Variants in PSMA6 observed in about 807,000 individuals in gnomAD.
PSMA6 encodes proteasome subunit alpha type-6.
For missense variants in PSMA6, 170 were observed against 294.8 expected (o/e 0.58, Z 3.10); for synonymous variants, 88 against 97.7 (o/e 0.90, Z 0.59).
At chr14:35,289,316 A>G (rs2051452096), upstream of PSMA6, among the ~76,000 whole-genome samples, 1 of 150,764 alleles carries the variant, frequency 6.6e-6, no homozygotes, top group Admixed American at 6.6e-5. Context: ...GGGACAATAA[A>G]CAGTGAACAA....
chr14:35,286,007 A>G (rs2051418290), intron 1 of PSMA6, among the ~76,000 whole-genome samples: 1 of 152,224 alleles, frequency 6.6e-6, no homozygotes, highest in Admixed American at 6.5e-5. Flanking sequence ...ATAGCCAACA[A>G]TTCAGGCCTT....
At chr14:35,313,554 G>C (rs576578339) in intron 5 of PSMA6, 6 of 152,698 alleles carry the variant, frequency 3.9e-5, no homozygotes, top group African/African-American at 1.4e-4. Context: ...GTTTGGTTTG[G>C]AAGTATGCTT....
At chr14:35,292,101 G>C (rs896386423), upstream of PSMA6, among the ~76,000 whole-genome samples, 1 of 152,204 alleles carries the variant, frequency 6.6e-6, no homozygotes, top group Non-Finnish European at 1.5e-5. Flanking sequence ...GTTCTATTTA[G>C]GTCACACTGA....
Position 35,284,155 on chromosome 14 carries a change from TACCCTAATCCAAAACA to T in PSMA6, c.19+5438_19+5453del, listed in dbSNP as rs1331514784. 4.6e-5 allele frequency among the ~76,000 whole-genome samples: 7 copies of T among 152,338 alleles called. No homozygotes were observed. In the East Asian group the frequency reaches 1.3e-3, roughly 29 times the overall value. The stretch of plus-strand genomic sequence containing the variant: ...ATCCAAGGCCAGCTCCTTTCATTTG[TACCCTAATCCAAAACA>T]TTTTTTGAGTCATACTTAGGTTAGG... On this transcript the variant is annotated intron_variant, in intron 1 of 6. Transcript: ENST00000540871.
In PSMA6 at chr14:35,295,857, C is replaced by T. The variant is rs191564390; in HGVS notation, c.76+3305C>T. ...CTTTGTAATCTATTTTCAGGAATTG[C>T]CCAAGTTACTAGAGGGAGGAGGTGC... On this transcript the variant is annotated intron_variant, in intron 1 of 6. Transcript: ENST00000261479. Among the ~76,000 whole-genome samples the T allele has an allele frequency of 1.1e-4, 17 of 152,296 alleles. No individual in the cohort carries two copies. The East Asian group carries it at 3.1e-3, about 28-fold the overall frequency.
intron 4 of PSMA6, 111 bp from the exon 5 acceptor site, chr14:35,312,769 TA>T: frequency 2.0e-6 from 2 of 990,730 alleles, no homozygotes; most frequent in South Asian, 1.9e-5. Flanking sequence ...ATACATATCC[TA>T]AAATTGATGG....
chr14:35,300,929 A>G (rs753514460), intron 1 of PSMA6, among the ~76,000 whole-genome samples: 1 of 152,198 alleles, frequency 6.6e-6, no homozygotes, highest in Non-Finnish European at 1.5e-5. Flanking sequence ...GGAAGAGTTT[A>G]TTTTTAGACA....
rs2051503139 is a variant in PSMA6, at chr14:35,292,465, G to T, written c.-12G>T. 5.6e-6 allele frequency: 9 copies of T among 1,612,790 alleles called. No individual in the cohort carries two copies. The highest frequency in any genetic ancestry group is 6.8e-6 in the Non-Finnish European group (8 of 1,179,444). ...GCCCAGGGATTGTGTTTAAAGTAGT[G>T]CTTCTACCAACATGTCCCGTGGTTC... On this transcript the variant is annotated 5_prime_UTR_variant, in exon 1 of 7. Transcript: ENST00000261479.
chr14:35,306,103 C>T (rs2051821869), intron 1 of PSMA6, among the ~76,000 whole-genome samples: 2 of 151,714 alleles, frequency 1.3e-5, no homozygotes, highest in Admixed American at 1.3e-4. Flanking sequence ...GTGGTATACA[C>T]CTGTGGTCCC....
chr14:35,313,981 AAAC>A (rs1273443002), intron 5 of PSMA6: 1 of 153,962 alleles, frequency 6.5e-6, no homozygotes, highest in African/African-American at 2.4e-5. Context: ...CAAAACAAAC[AAAC>A]AACACTTAAA....
intron 1 of PSMA6, among the ~76,000 whole-genome samples, chr14:35,282,209 A>T (rs1010518582): frequency 8.5e-5 from 13 of 152,162 alleles, no homozygotes; most frequent in African/African-American, 3.1e-4. Context: ...TAACTATTCA[A>T]AATAAGGGAA....
chr14:35,290,149 A>G (rs1296081025), upstream of PSMA6, among the ~76,000 whole-genome samples: 2 of 152,154 alleles, frequency 1.3e-5, no homozygotes, highest in South Asian at 2.1e-4. Context: ...CCCATTGGCA[A>G]TTAGAGAAGA....
At chr14:35,282,977 G>T (rs2051382537) in intron 1 of PSMA6, among the ~76,000 whole-genome samples, 1 of 151,900 alleles carries the variant, frequency 6.6e-6, no homozygotes, top group Admixed American at 6.6e-5. Context: ...TGAGTAGCTG[G>T]GACTACAGGC....
upstream of PSMA6, chr14:35,292,311 C>T: frequency 1.4e-6 from 2 of 1,447,504 alleles, no homozygotes; most frequent in Non-Finnish European, 1.8e-6. Context: ...GGCCTCAGAG[C>T]TCAGTGCTCG....
intron 4 of PSMA6, among the ~76,000 whole-genome samples, chr14:35,312,384 G>A (rs1367252936): frequency 6.6e-6 from 1 of 151,736 alleles, no homozygotes; most frequent in Non-Finnish European, 1.5e-5. Flanking sequence ...GTGGGCACCT[G>A]TAGTCCCAGC....
chr14:35,309,689 A>G (rs1172435466), intron 3 of PSMA6, among the ~76,000 whole-genome samples: 1 of 152,200 alleles, frequency 6.6e-6, no homozygotes, highest in African/African-American at 2.4e-5. Flanking sequence ...CCAGCTATTC[A>G]GGAGGGTGAG....
chr14:35,283,657 G>A (rs773395917), intron 1 of PSMA6, among the ~76,000 whole-genome samples: 7 of 151,134 alleles, frequency 4.6e-5, no homozygotes, highest in African/African-American at 7.3e-5. Context: ...CTGGGCTCAA[G>A]CAATTATCCT....
intron 1 of PSMA6, among the ~76,000 whole-genome samples, chr14:35,303,311 T>C (rs1280995658): frequency 6.6e-6 from 1 of 152,194 alleles, no homozygotes; most frequent in African/African-American, 2.4e-5. Flanking sequence ...TGTGTGTTGT[T>C]ATGGAATCTG....
intron 3 of PSMA6, 137 bp downstream of exon 3, chr14:35,309,132 C>A: frequency 1.6e-6 from 1 of 643,264 alleles, no homozygotes. Flanking sequence ...TTGCAGTCTT[C>A]TAAGACTAGT....
Sources: gnomAD v4.1 joint callset for allele counts (sites outside exome capture counted in the v4.1 genomes callset) on GRCh38, gnomAD v4.1.1 for gene constraint, MANE v1.5 for transcripts, NCBI Gene and HGNC (gene_info 2026-07-23, HGNC 2026-07-21) for gene names.